The following TUSC3 variants were observed in gnomAD, a reference collection of about 807,000 sequenced individuals.
The protein encoded by TUSC3 is tumor suppressor candidate 3.
In TUSC3, 45 loss-of-function variants were observed where a neutral mutation model predicts 44.8. The ratio of observed to expected loss-of-function variants is 1.00; its 90% CI spans 0.79 to 1.29. TUSC3 has a LOEUF of 1.29. Ranked by LOEUF, TUSC3 falls within the 50% of genes most tolerant of loss-of-function variation. TUSC3 has a pLI of 0.00. For missense variants in TUSC3, 519 were observed against 437.9 expected, an observed-to-expected ratio of 1.19 and a Z score of -1.65; for synonymous variants, 212 against 152.9, an observed-to-expected ratio of 1.39 and a Z score of -2.85.
chr8:15,644,747 C>T (rs533382051), intron 2 of TUSC3, among the ~76,000 whole-genome samples: 40 of 151,890 alleles, frequency 2.6e-4, no homozygotes, highest in East Asian at 5.8e-4. Flanking sequence ...TATTAAAATA[C>T]GTATTCCTCG....
chr8:15,438,141 C>T (rs1306923629), intron 1 of TUSC3, among the ~76,000 whole-genome samples: 1 of 152,164 alleles, frequency 6.6e-6, no homozygotes, highest in African/African-American at 2.4e-5. Context: ...GTTACCCAGG[C>T]TGGAGTGCAA....
At chr8:15,558,895 T>G (rs1280811015) in intron 1 of TUSC3, among the ~76,000 whole-genome samples, 1 of 151,304 alleles carries the variant, frequency 6.6e-6, no homozygotes, top group Non-Finnish European at 1.5e-5. Context: ...ATTCTTCTCT[T>G]TTTCTTTATT....
chr8:15,487,325 T>G (rs182586142), intron 2 of TUSC3, among the ~76,000 whole-genome samples: 78 of 152,296 alleles, frequency 5.1e-4, no homozygotes, highest in Admixed American at 4.2e-3. Context: ...TGTCTCGTGA[T>G]TTATTTCCTC....
intron 1 of TUSC3, among the ~76,000 whole-genome samples, chr8:15,462,810 G>A (rs1440578957): frequency 6.6e-6 from 1 of 152,054 alleles, no homozygotes; most frequent in East Asian, 1.9e-4. Context: ...TGAGCAGAAA[G>A]GATGCTATTC....
chr8:15,655,514 C>G (rs1431406127), intron 3 of TUSC3, among the ~76,000 whole-genome samples: 1 of 152,218 alleles, frequency 6.6e-6, no homozygotes, highest in Non-Finnish European at 1.5e-5. Context: ...GTATGAAACT[C>G]CAAGTCAAAG....
At chr8:15,775,154 T>A in the TUSC3 span, among the ~76,000 whole-genome samples, 3 of 152,260 alleles carry the variant, frequency 2.0e-5, no homozygotes, top group Admixed American at 6.5e-5. Context: ...GAAGTACTGT[T>A]ACATCCTGCA....
chr8:15,733,351 G>GTTTT, intron 7 of TUSC3: 28 of 353,232 alleles, frequency 7.9e-5, no homozygotes, highest in East Asian at 4.8e-4. Flanking sequence ...GCTTCTTTTT[G>GTTTT]TTTTTTTTTT....
intron 1 of TUSC3, among the ~76,000 whole-genome samples, chr8:15,571,597 G>T (rs1802880399): frequency 6.6e-6 from 1 of 152,126 alleles, no homozygotes; most frequent in African/African-American, 2.4e-5. Flanking sequence ...TAAGGGTACT[G>T]GCTGCTGATG....
intron 6 of TUSC3, among the ~76,000 whole-genome samples, chr8:15,702,187 C>T (rs1563180841): frequency 6.6e-6 from 1 of 152,066 alleles, no homozygotes; most frequent in Non-Finnish European, 1.5e-5. Flanking sequence ...GGCATTTACT[C>T]TTAAAAGACT....
rs370240459 is a variant in TUSC3 at position 15,490,952 on chromosome 8, T to G, written n.189+7469T>G. Among the ~76,000 whole-genome samples, 6 of 152,274 alleles carry G rather than the reference T, an allele frequency of 3.9e-5. No homozygotes were observed. The East Asian group carries it at 9.7e-4, about 25-fold the overall frequency. ...GAAAAAATTACAGTGCTCCATGCTT[T>G]CTTCCAAAGAGGGTCTGGGGCCCCC... On this transcript the variant is annotated intron_variant and non_coding_transcript_variant, in intron 2 of 5. Transcript: ENST00000503191.
At chr8:15,589,327 C>T (rs936800822) in intron 1 of TUSC3, among the ~76,000 whole-genome samples, 1 of 152,114 alleles carries the variant, frequency 6.6e-6, no homozygotes, top group Non-Finnish European at 1.5e-5. Flanking sequence ...TCAGACTCTG[C>T]ATCTTAACAA....
chr8:15,611,863 G>A (rs1396621347), intron 1 of TUSC3, among the ~76,000 whole-genome samples: 4 of 152,126 alleles, frequency 2.6e-5, no homozygotes, highest in Non-Finnish European at 5.9e-5. Context: ...TATGAATACA[G>A]ATTTTTAAGA....
At chr8:15,542,967 A>T (rs1206105436) in intron 1 of TUSC3, among the ~76,000 whole-genome samples, 2 of 152,324 alleles carry the variant, frequency 1.3e-5, no homozygotes, top group African/African-American at 4.8e-5. Context: ...ACTTTACTCA[A>T]TAAGCATGCG....
intron 2 of TUSC3, among the ~76,000 whole-genome samples, chr8:15,498,265 G>T (rs921406580): frequency 6.6e-6 from 1 of 152,180 alleles, no homozygotes; most frequent in Non-Finnish European, 1.5e-5. Flanking sequence ...AACACAGATT[G>T]AGTAGACTAA....
chr8:15,822,192 C>T, the TUSC3 span, among the ~76,000 whole-genome samples: 3 of 150,394 alleles, frequency 2.0e-5, no homozygotes, highest in Non-Finnish European at 3.0e-5. Flanking sequence ...TAGAAAAAAA[C>T]GGGTGAACTG....
chr8:15,546,506 C>T (rs909172289), intron 1 of TUSC3, among the ~76,000 whole-genome samples: 11 of 151,578 alleles, frequency 7.3e-5, no homozygotes, highest in African/African-American at 2.7e-4. Context: ...AATATTAAGG[C>T]TTCAAAGATG....
At chr8:15,842,827 G>C in the TUSC3 span, among the ~76,000 whole-genome samples, 6 of 152,148 alleles carry the variant, frequency 3.9e-5, no homozygotes, top group Admixed American at 3.3e-4. Context: ...ATCTCCCCAG[G>C]ATATTTCACT....
chr8:15,481,128 A>G (rs1800654299), intron 1 of TUSC3, among the ~76,000 whole-genome samples: 1 of 152,002 alleles, frequency 6.6e-6, no homozygotes, highest in East Asian at 1.9e-4. Context: ...CATGACTGTA[A>G]TCCCAGCTAC....
chr8:15,825,811 G>A, the TUSC3 span, among the ~76,000 whole-genome samples: 1 of 149,114 alleles, frequency 6.7e-6, no homozygotes, highest in Non-Finnish European at 1.5e-5. Flanking sequence ...TTTACCTTAA[G>A]TTAATTCTCT....
Sources: gnomAD v4.1 joint callset for allele counts (sites outside exome capture counted in the v4.1 genomes callset) on GRCh38, gnomAD v4.1.1 for gene constraint, MANE v1.5 for transcripts, NCBI Gene and HGNC (gene_info 2026-07-23, HGNC 2026-07-21) for gene names.